ATR: variants seen among roughly 807,000 people sequenced by gnomAD.
ATR encodes serine/threonine-protein kinase ATR.
In ATR, 142 loss-of-function variants were observed where a neutral mutation model predicts 305.3. The ratio of observed to expected loss-of-function variants is 0.47; its 90% CI spans 0.41 to 0.53. The LOEUF is 0.53. Ranked by LOEUF, ATR falls within the 20% of genes least tolerant of loss-of-function variation. ATR has a pLI of 0.00. For missense variants in ATR, 2,135 were observed against 3,133.1 expected (o/e 0.68, Z 7.60); for synonymous variants, 1,050 against 1,068.1 (o/e 0.98, Z 0.33).
intron 3 of ATR, among the ~76,000 whole-genome samples, chr3:142,565,751 A>AAAG (rs2035047455): frequency 6.7e-6 from 1 of 149,900 alleles, no homozygotes; most frequent in African/African-American, 2.4e-5. Context: ...AAAAAAAAAA[A>AAAG]AAAAAAAGGA....
chr3:142,487,828 C>T (rs80058915), intron 35 of ATR, among the ~76,000 whole-genome samples: 2,723 of 152,320 alleles, frequency 0.018, 28 homozygotes, highest in South Asian at 0.041. Context: ...GATTAACAAT[C>T]TACCTCAAGT....
chr3:142,550,183 C>A lies in ATR; in HGVS notation c.2925G>T (p.Leu975Phe). 1.9e-6 allele frequency: 3 copies of A among 1,614,132 alleles called. No homozygotes were observed. Among genetic ancestry groups the A allele is most frequent in the Non-Finnish European group, 2.5e-6 (3 of 1,180,020 alleles). The change falls in exon 14 of 47, where the codon TTG becomes TTT. Residue 975 changes from leucine (L) to phenylalanine (F), a missense_variant. Leu to Phe is a conservative substitution (Grantham distance 22). Around this residue, in one of 9 missense-constraint regions of ATR, gnomAD observed 530 missense variants for 766.8 expected, o/e 0.69. Coordinates refer to ENST00000350721, the MANE Select transcript of ATR (RefSeq NM_001184.4). ...AHQREMALNT[L>F]SEIANVFDFP... ...AGTCGAAAACGTTGGCAATTTCAGA[C>A]AACGTATTTAAAGCCATTTCTCTCT...
chr3:142,570,796 G>A (rs1333476940), intron 1 of ATR, among the ~76,000 whole-genome samples: 2 of 152,204 alleles, frequency 1.3e-5, no homozygotes, highest in African/African-American at 4.8e-5. Context: ...AGAGAAGCCA[G>A]ATTGCAAGGG....
chr3:142,561,481 A>C (rs1282531826), intron 4 of ATR, 60 bp from the exon 5 acceptor site: 1 of 1,494,828 alleles, frequency 6.7e-7, no homozygotes, highest in African/African-American at 1.4e-5. Flanking sequence ...TATATTATTC[A>C]TAGGCAGCAA....
intron 16 of ATR, among the ~76,000 whole-genome samples, chr3:142,544,889 GC>G (rs1357469947): frequency 1.3e-5 from 2 of 152,070 alleles, no homozygotes; most frequent in Non-Finnish European, 2.9e-5. Context: ...ATCTAAAATT[GC>G]ATTTTGTTCT....
rs1218938262 is a variant in ATR at position 142,572,072 on chromosome 3, C to CT, written c.60-3919dup. ...TGAGCCACCGCACCCGGCCCTTTTT[C>CT]TTTTTTTTTTCTTTTGAGACGGAGT... On this transcript the variant is annotated intron_variant, in intron 1 of 46. Coordinates refer to ENST00000350721, the MANE Select transcript of ATR (RefSeq NM_001184.4). 3.8e-3 allele frequency among the ~76,000 whole-genome samples: 519 copies of CT among 138,286 alleles called. 1 individual carries two copies. The highest frequency in any genetic ancestry group is 0.013 in the African/African-American group (492 of 37,526). The allele number at this position is 138,286 out of a possible 152,430, so 90.7% of individuals were successfully genotyped here. A position where few individuals can be genotyped will look rare whatever the true frequency, so the allele number is the denominator to read the frequency against.
At chr3:142,573,684 T>C (rs1029315523) in intron 1 of ATR, among the ~76,000 whole-genome samples, 1 of 152,188 alleles carries the variant, frequency 6.6e-6, no homozygotes, top group Non-Finnish European at 1.5e-5. Context: ...CAATTGATCC[T>C]AACAATATAT....
chr3:142,543,073 C>T (rs904393651), intron 16 of ATR, among the ~76,000 whole-genome samples: 5 of 151,786 alleles, frequency 3.3e-5, no homozygotes, highest in African/African-American at 4.8e-5. Context: ...TAATTCATGT[C>T]GGGATGTGGG....
At position 142,453,246 on chromosome 3, in the gene ATR, C is replaced by CA. The variant is rs752648278; in HGVS notation, c.7656-14dup. On this transcript the variant is annotated splice_polypyrimidine_tract_variant and intron_variant, in intron 45 of 46. Coordinates refer to ENST00000350721, the MANE Select transcript of ATR (RefSeq NM_001184.4). Reference sequence around the variant, plus strand: ...AGTCTTTAAGACACTAAAATTGAAACAAATATTATGGTATGATGTTATCTT... The same window carrying CA: ...AGTCTTTAAGACACTAAAATTGAAACAAAATATTATGGTATGATGTTATCTT... 6.2e-7 allele frequency: 1 copy of CA among 1,609,452 alleles called. No individual in the cohort carries two copies. The highest frequency in any genetic ancestry group is 1.1e-5 in the South Asian group (1 of 90,952).
Position 142,507,630 on chromosome 3 carries a change from T to C in ATR, c.5031+301A>G, listed in dbSNP as rs534955975. 2.0e-5 allele frequency among the ~76,000 whole-genome samples: 3 copies of C among 152,354 alleles called. No homozygotes were observed. The East Asian group carries it at 5.8e-4, about 29-fold the overall frequency. ...TCCACAGAGATGCCTCTGATTATAA[T>C]GTCTTGCCTCCCTATACTGCTCATT... On this transcript the variant is annotated intron_variant, in intron 28 of 46. Coordinates refer to ENST00000350721, the MANE Select transcript of ATR (RefSeq NM_001184.4).
rs138749349 is a variant in ATR at position 142,543,035 on chromosome 3, A to G, written c.3358-278T>C. On this transcript the variant is annotated intron_variant, in intron 16 of 46. Coordinates refer to ENST00000350721, the MANE Select transcript of ATR (RefSeq NM_001184.4). ...AAAATGATGAGTTTTTTAATCATGG[A>G]GTGAACTGGGGTGGGATCCTCAGGA... Among the ~76,000 whole-genome samples the G allele has an allele frequency of 4.6e-5, 7 of 152,318 alleles. No homozygotes were observed. In the East Asian group the frequency reaches 1.2e-3, roughly 25 times the overall value.
chr3:142,457,918 C>T, intron 44 of ATR, 163 bp from the exon 45 acceptor site: 1 of 763,040 alleles, frequency 1.3e-6, no homozygotes. Flanking sequence ...AGCCATGTAG[C>T]TCTGCCTTTG....
At chr3:142,496,329 T>TCCC in intron 34 of ATR, 32 bp downstream of exon 34, 1 of 406,738 alleles carries the variant, frequency 2.5e-6, no homozygotes, top group Admixed American at 2.8e-5. Flanking sequence ...TATATATATA[T>TCCC]ATATATATGA....
intron 8 of ATR, among the ~76,000 whole-genome samples, chr3:142,557,548 G>A (rs1023039161): frequency 1.3e-5 from 2 of 152,058 alleles, no homozygotes; most frequent in African/African-American, 4.8e-5. Context: ...TACATATATA[G>A]TAAAAGTAAT....
At chr3:142,536,304 AAGTGCTAG>A in intron 19 of ATR, 103 bp from the exon 20 acceptor site, 3 of 820,878 alleles carry the variant, frequency 3.7e-6, no homozygotes, top group Non-Finnish European at 6.2e-6. Context: ...TCATAATTAA[AAGTGCTAG>A]TTGATTACTG....
intron 36 of ATR, among the ~76,000 whole-genome samples, chr3:142,483,590 G>C (rs559548245): frequency 6.6e-6 from 1 of 152,166 alleles, no homozygotes; most frequent in South Asian, 2.1e-4. Flanking sequence ...TATAATCCCA[G>C]CACTTTGGGA....
At chr3:142,541,241 GTTC>G (rs1284796953) in intron 17 of ATR, among the ~76,000 whole-genome samples, 1 of 152,066 alleles carries the variant, frequency 6.6e-6, no homozygotes, top group Admixed American at 6.6e-5. Flanking sequence ...TACAAGTTGA[GTTC>G]TTTTTTGTTT....
intron 36 of ATR, among the ~76,000 whole-genome samples, chr3:142,474,752 C>T (rs558957398): frequency 1.4e-3 from 210 of 152,130 alleles, no homozygotes; most frequent in African/African-American, 4.3e-3. Flanking sequence ...GGCTAGGATT[C>T]CTGGTACTAT....
At chr3:142,477,950 T>C (rs932910912) in intron 36 of ATR, among the ~76,000 whole-genome samples, 2 of 152,240 alleles carry the variant, frequency 1.3e-5, no homozygotes, top group African/African-American at 4.8e-5. Flanking sequence ...CTTTAACATT[T>C]TTTATTGCAT....
Sources: allele counts gnomAD v4.1 joint callset (sites outside exome capture counted in the v4.1 genomes callset), GRCh38; gene constraint gnomAD v4.1.1; regional missense constraint gnomAD v4.1.1; transcripts MANE v1.5; gene names NCBI Gene and HGNC (gene_info 2026-07-23, HGNC 2026-07-21).